Variants in CDH10 observed in about 807,000 individuals in gnomAD.
CDH10 encodes cadherin-10.
CDH10 carries 30 observed loss-of-function variants against 73.1 expected under a neutral mutation model. The ratio of observed to expected loss-of-function variants is 0.41; its 90% CI spans 0.31 to 0.56. CDH10 has a LOEUF of 0.56. Among genes scored for constraint, CDH10 ranks in the 20% least tolerant of loss-of-function variants. The pLI is 0.27. For synonymous variants in CDH10, 345 were observed against 348.2 expected (o/e 0.99, Z 0.10); for missense variants, 815 against 973.7 (o/e 0.84, Z 2.17).
intron 8 of CDH10, among the ~76,000 whole-genome samples, chr5:24,502,033 C>G (rs192786129): frequency 8.4e-4 from 120 of 143,146 alleles, no homozygotes; most frequent in African/African-American, 3.0e-3. Flanking sequence ...ATTCTCCTAC[C>G]TCAGCCTCCC....
At chr5:24,579,542 T>G (rs532923537) in intron 2 of CDH10, among the ~76,000 whole-genome samples, 4 of 152,092 alleles carry the variant, frequency 2.6e-5, no homozygotes, top group Non-Finnish European at 4.4e-5. Flanking sequence ...AAAAGAATGC[T>G]GGACTCACTA....
chr5:24,527,431 C>A (rs530670507), intron 5 of CDH10, among the ~76,000 whole-genome samples: 2 of 150,832 alleles, frequency 1.3e-5, no homozygotes, highest in African/African-American at 4.8e-5. Context: ...ATACACAAAA[C>A]AAAATATATA....
At chr5:24,599,005 A>G (rs1038702488) in intron 1 of CDH10, among the ~76,000 whole-genome samples, 1 of 152,094 alleles carries the variant, frequency 6.6e-6, no homozygotes, top group Non-Finnish European at 1.5e-5. Flanking sequence ...ATTATCTCTA[A>G]GATCCCTGCT....
chr5:24,573,892 T>G (rs1486203316), intron 2 of CDH10, among the ~76,000 whole-genome samples: 1 of 148,746 alleles, frequency 6.7e-6, no homozygotes, highest in Non-Finnish European at 1.5e-5. Context: ...ATAAAAAATA[T>G]ATATATTTTT....
At chr5:24,608,510 C>T (rs968764360) in intron 1 of CDH10, among the ~76,000 whole-genome samples, 4 of 152,110 alleles carry the variant, frequency 2.6e-5, no homozygotes, top group African/African-American at 9.7e-5. Context: ...CCAGGATGGT[C>T]TCAATCTCTT....
At chr5:24,570,280 C>T (rs1346152288) in intron 2 of CDH10, among the ~76,000 whole-genome samples, 2 of 152,090 alleles carry the variant, frequency 1.3e-5, no homozygotes, top group Admixed American at 1.3e-4. Context: ...CAAAAATAAT[C>T]ATCTAGTTTG....
Position 24,499,557 on chromosome 5 carries a change from A to G in CDH10, c.1394-1038T>C, listed in dbSNP as rs367868501. ...CAAAAAATAGCCAGGTGTTGTGGCA[A>G]GAGCCTGTAATCCCAGCTACTTGGG... is the stretch of plus-strand genomic sequence containing the variant. On this transcript the variant is annotated intron_variant, in intron 8 of 11. Transcript: ENST00000264463. 5.3e-5 allele frequency: 8 copies of G among 152,098 alleles called. 1 individual carries two copies. In the East Asian group the frequency reaches 1.4e-3, roughly 26 times the overall value. 9.4% of individuals were successfully genotyped at this position (152,098 alleles called of 1,614,324 possible). A position where few individuals can be genotyped will look rare whatever the true frequency, so the allele number is the denominator to read the frequency against.
intron 5 of CDH10, among the ~76,000 whole-genome samples, chr5:24,522,122 ACT>A (rs1388864604): frequency 6.6e-6 from 1 of 152,014 alleles, no homozygotes; most frequent in Non-Finnish European, 1.5e-5. Context: ...ACAGAGCGAG[ACT>A]CTGTCTCAAA....
At position 24,487,760 on chromosome 5, in the gene CDH10, T is replaced by C; in HGVS notation, c.2270A>G (p.Glu757Gly). 3 of 1,613,974 alleles carry C rather than the reference T, an allele frequency of 1.9e-6. No individual in the cohort carries two copies. The highest frequency in any genetic ancestry group is 2.5e-6 in the Non-Finnish European group (3 of 1,179,946). ...SLSSLESGTTEGDQNYDYLRE... is the reference protein window; with the variant it reads ...SLSSLESGTTGGDQNYDYLRE... ...GAGGTAATCGTAGTTTTGGTCTCCTTCAGTAGTACCTGATTCTAATGAACT... is the reference window on the plus strand; with the variant it reads ...GAGGTAATCGTAGTTTTGGTCTCCTCCAGTAGTACCTGATTCTAATGAACT... Residue 757 changes from glutamate (E) to glycine (G), a missense_variant, in exon 12 of 12, where the codon GAA becomes GGA. Around this residue, in one of 3 missense-constraint regions of CDH10, gnomAD observed 241 missense variants for 240.3 expected, o/e 1.00. Transcript: ENST00000264463.
At chr5:24,519,892 G>C (rs558145282) in intron 5 of CDH10, among the ~76,000 whole-genome samples, 3 of 152,188 alleles carry the variant, frequency 2.0e-5, no homozygotes, top group Non-Finnish European at 4.4e-5. Flanking sequence ...GACATACTCA[G>C]AGAATCTTCC....
At chr5:24,642,837 G>A (rs544736783) in intron 1 of CDH10, among the ~76,000 whole-genome samples, 6 of 151,842 alleles carry the variant, frequency 4.0e-5, no homozygotes, top group Non-Finnish European at 8.8e-5. Context: ...TTAAGTGTAT[G>A]AAATTCTATT....
At chr5:24,597,909 G>T (rs1056621333) in intron 1 of CDH10, among the ~76,000 whole-genome samples, 1 of 151,650 alleles carries the variant, frequency 6.6e-6, no homozygotes, top group Non-Finnish European at 1.5e-5. Flanking sequence ...AATTTATTAT[G>T]TTGATTAGGA....
At chr5:24,631,495 C>T (rs548580156) in intron 1 of CDH10, among the ~76,000 whole-genome samples, 95 of 152,076 alleles carry the variant, frequency 6.2e-4, no homozygotes, top group African/African-American at 2.3e-3. Context: ...TGCAGATCAG[C>T]TCAGCCAGGT....
At chr5:24,571,894 C>T (rs1745395600) in intron 2 of CDH10, among the ~76,000 whole-genome samples, 1 of 151,666 alleles carries the variant, frequency 6.6e-6, no homozygotes, top group Non-Finnish European at 1.5e-5. Flanking sequence ...ACAATAGGCT[C>T]TTGCAAGTAA....
At position 24,487,667 on chromosome 5, in the gene CDH10, G is replaced by C. The variant is rs1452708419; in HGVS notation, c.2363C>G (p.Ser788Cys). Residue 788 changes from serine to cysteine, a missense_variant, in exon 12 of 12, where the codon TCT (serine) becomes TGT (cysteine). Ser to Cys is a moderately radical substitution (Grantham distance 112). Coordinates refer to ENST00000264463, the MANE Select transcript of CDH10 (RefSeq NM_006727.5). ...MYGGGESDKDS is the reference protein window; with the variant it reads ...MYGGGESDKDC ...GAACAGAACATATATCCTACGTTAA[G>C]AGTCTTTGTCACTTTCCCCACCACC... The C allele has an allele frequency of 9.3e-6, 15 of 1,610,160 alleles. No homozygotes were observed. The highest frequency in any genetic ancestry group is 2.7e-5 in the African/African-American group (2 of 74,686).
intron 2 of CDH10, among the ~76,000 whole-genome samples, chr5:24,566,427 A>G (rs772715287): frequency 7.9e-5 from 12 of 152,190 alleles, no homozygotes; most frequent in Non-Finnish European, 1.2e-4. Flanking sequence ...TTTTCAAAAT[A>G]CTTGGAGAAT....
At chr5:24,571,760 T>A (rs1369515580) in intron 2 of CDH10, among the ~76,000 whole-genome samples, 1 of 152,052 alleles carries the variant, frequency 6.6e-6, no homozygotes, top group Non-Finnish European at 1.5e-5. Context: ...AACAATTAGC[T>A]CTCTGGGAGC....
Position 24,505,145 on chromosome 5 carries a change from A to G in CDH10, c.1360T>C (p.Trp454Arg). The G allele has an allele frequency of 4.3e-6, 7 of 1,612,082 alleles. No homozygotes were observed. Among genetic ancestry groups the G allele is most frequent in the African/African-American group, 1.3e-5 (1 of 75,000 alleles). ...SKPLDRELSQ[W>R]HNLTVIAAEI... ...GCAGCAATAACAGTAAGATTATGCC[A>G]CTGAGATAGTTCACGGTCAAGAGGT... The change falls in exon 8 of 12, where the codon TGG (tryptophan) becomes CGG (arginine). Residue 454 changes from tryptophan to arginine, a missense_variant. Coordinates refer to ENST00000264463, the MANE Select transcript of CDH10 (RefSeq NM_006727.5).
At chr5:24,568,199 A>T (rs1745233692) in intron 2 of CDH10, among the ~76,000 whole-genome samples, 2 of 152,172 alleles carry the variant, frequency 1.3e-5, no homozygotes, top group South Asian at 4.1e-4. Flanking sequence ...CAGAGAGAAA[A>T]TATTAATATT....
Sources: allele counts gnomAD v4.1 joint callset (sites outside exome capture counted in the v4.1 genomes callset), GRCh38; gene constraint gnomAD v4.1.1; regional missense constraint gnomAD v4.1.1; transcripts MANE v1.5; gene names NCBI Gene and HGNC (gene_info 2026-07-23, HGNC 2026-07-21).